VAMP7: variants seen among roughly 807,000 people sequenced by gnomAD.
The protein encoded by VAMP7 is vesicle associated membrane protein 7, also known as vesicle-associated membrane protein 7.
Under a neutral mutation model 29.6 loss-of-function variants are expected in VAMP7, and 14 were observed. The ratio of observed to expected loss-of-function variants is 0.47; its 90% CI spans 0.31 to 0.74. VAMP7 has a LOEUF of 0.74. Ranked by LOEUF, VAMP7 falls within the 30% of genes least tolerant of loss-of-function variation. VAMP7 has a pLI of 0.05. For synonymous variants in VAMP7, 95 were observed against 88.1 expected (o/e 1.08, Z -0.44); for missense variants, 223 against 262.4 (o/e 0.85, Z 1.04).
intron 6 of VAMP7, among the ~76,000 whole-genome samples, chrX:155,932,124 T>G (rs1257460202): frequency 2.0e-5 from 3 of 152,214 alleles, no homozygotes; most frequent in Non-Finnish European, 2.9e-5. Context: ...TGCAGTATAG[T>G]TTGAAGTCAG....
At chrX:155,910,586 G>GTTT (rs57564977) in intron 5 of VAMP7, among the ~76,000 whole-genome samples, 35 of 133,992 alleles carry the variant, frequency 2.6e-4, no homozygotes, top group African/African-American at 9.4e-4. Flanking sequence ...GTGTGTAAGT[G>GTTT]TTTTTTTTTT....
intron 5 of VAMP7, among the ~76,000 whole-genome samples, chrX:155,914,639 G>A (rs767380827): frequency 1.3e-5 from 2 of 152,270 alleles, no homozygotes; most frequent in East Asian, 1.9e-4. Flanking sequence ...TTTGTCATTG[G>A]TTCTTTTTCT....
chrX:155,939,831 C>A, intron 7 of VAMP7, 38 bp downstream of exon 7: 1 of 1,478,180 alleles, frequency 6.8e-7, no homozygotes, highest in Non-Finnish European at 9.5e-7. Flanking sequence ...CTTTATTTTT[C>A]AATCTCTAAG....
At chrX:155,899,216 A>C (rs1250964316) in intron 4 of VAMP7, among the ~76,000 whole-genome samples, 1 of 151,608 alleles carries the variant, frequency 6.6e-6, no homozygotes, top group East Asian at 1.9e-4. Context: ...AAAAATCACC[A>C]CTTTTTTTTC....
chrX:155,919,022 G>GCCTGCAGTTTTGTTTTT (rs2066356052), intron 5 of VAMP7, among the ~76,000 whole-genome samples: 1 of 152,154 alleles, frequency 6.6e-6, no homozygotes, highest in South Asian at 2.1e-4. Flanking sequence ...GATCATCAGG[G>GCCTGCAGTTTTGTTTTT]TTGTTGGCCT....
At chrX:155,883,996 G>T (rs1160161130) in intron 1 of VAMP7, among the ~76,000 whole-genome samples, 2 of 148,668 alleles carry the variant, frequency 1.3e-5, no homozygotes, top group South Asian at 2.2e-4. Flanking sequence ...ACAGGCATGA[G>T]CCACCATGCC....
intron 6 of VAMP7, among the ~76,000 whole-genome samples, chrX:155,928,580 T>G (rs1477611442): frequency 6.6e-6 from 1 of 152,160 alleles, no homozygotes; most frequent in Non-Finnish European, 1.5e-5. Flanking sequence ...CTCCATCTAC[T>G]TTCCTCCTAT....
intron 6 of VAMP7, among the ~76,000 whole-genome samples, chrX:155,931,319 T>C (rs1484460105): frequency 6.6e-6 from 1 of 152,170 alleles, no homozygotes; most frequent in East Asian, 1.9e-4. Flanking sequence ...TAGTTTACAG[T>C]CCCACCAACA....
intron 6 of VAMP7, among the ~76,000 whole-genome samples, chrX:155,921,239 C>G (rs1225314826): frequency 2.0e-5 from 3 of 152,134 alleles, no homozygotes; most frequent in Admixed American, 6.5e-5. Context: ...AGGTATCTCT[C>G]TTTATGGTAG....
Position 155,942,451 on chromosome X carries a change from G to C in VAMP7, c.*500G>C. The C allele has an allele frequency of 3.0e-6, 1 of 334,410 alleles. No homozygotes were observed. The highest frequency in any genetic ancestry group is 5.5e-6 in the Non-Finnish European group (1 of 183,182). 20.7% of individuals were successfully genotyped at this position (334,410 alleles called of 1,614,324 possible). On this transcript the variant is annotated 3_prime_UTR_variant, in exon 8 of 8. Transcript: ENST00000286448. ...GGGGAATTGTAATGATGTTGGTGCT[G>C]CTTCCTTCTAAGAGCTCAGACAAGT...
At chrX:155,883,593 A>G (rs1317575480) in intron 1 of VAMP7, among the ~76,000 whole-genome samples, 6 of 152,048 alleles carry the variant, frequency 3.9e-5, no homozygotes, top group South Asian at 4.1e-4. Flanking sequence ...TGCATTGACT[A>G]TCACCATGTG....
intron 6 of VAMP7, among the ~76,000 whole-genome samples, chrX:155,930,694 T>A (rs2066538006): frequency 6.7e-6 from 1 of 149,646 alleles, no homozygotes; most frequent in African/African-American, 2.5e-5. Context: ...TTTTTATTTT[T>A]TATTTTTTTT....
At chrX:155,906,699 A>G (rs2066152601) in intron 5 of VAMP7, among the ~76,000 whole-genome samples, 1 of 152,096 alleles carries the variant, frequency 6.6e-6, no homozygotes, top group Admixed American at 6.5e-5. Context: ...ATTAGTTCTA[A>G]TAGCTTTTTA....
At chrX:155,897,162 A>G (rs1219618496) in intron 3 of VAMP7, among the ~76,000 whole-genome samples, 1 of 152,132 alleles carries the variant, frequency 6.6e-6, no homozygotes. Context: ...ACTGTTTAAT[A>G]CTACCCCGAT....
At chrX:155,929,294 G>A (rs2066514048) in intron 6 of VAMP7, among the ~76,000 whole-genome samples, 1 of 152,140 alleles carries the variant, frequency 6.6e-6, no homozygotes, top group Non-Finnish European at 1.5e-5. Context: ...AAGGAAAAAA[G>A]GAGAGGCAGT....
At chrX:155,901,853 G>A (rs1014884192) in intron 5 of VAMP7, among the ~76,000 whole-genome samples, 45 of 152,008 alleles carry the variant, frequency 3.0e-4, no homozygotes, top group African/African-American at 9.9e-4. Flanking sequence ...TTGGTGATGC[G>A]GGCTCTTTTT....
At chrX:155,885,800 G>A (rs1244961545) in intron 1 of VAMP7, among the ~76,000 whole-genome samples, 4 of 152,166 alleles carry the variant, frequency 2.6e-5, no homozygotes, top group Non-Finnish European at 5.9e-5. Context: ...GCTAGAAAGA[G>A]ATAAGGAAAG....
chrX:155,910,462 A>G (rs2066220741), intron 5 of VAMP7, among the ~76,000 whole-genome samples: 1 of 152,168 alleles, frequency 6.6e-6, no homozygotes, highest in Admixed American at 6.5e-5. Context: ...TTTCCTTTGC[A>G]TAAATACCCA....
At chrX:155,903,397 CT>C (rs1189255224) in intron 5 of VAMP7, among the ~76,000 whole-genome samples, 14 of 152,222 alleles carry the variant, frequency 9.2e-5, no homozygotes, top group African/African-American at 3.1e-4. Flanking sequence ...GCAAAAGAAA[CT>C]ACTATCAGAG....
Sources: allele counts gnomAD v4.1 joint callset (sites outside exome capture counted in the v4.1 genomes callset), GRCh38; gene constraint gnomAD v4.1.1; transcripts MANE v1.5; gene names NCBI Gene and HGNC (gene_info 2026-07-23, HGNC 2026-07-21).